DDR2: variants seen among roughly 807,000 people sequenced by gnomAD.
DDR2 encodes the protein discoidin domain-containing receptor 2.
Under a neutral mutation model 94.9 loss-of-function variants are expected in DDR2, and 27 were observed. The observed-to-expected ratio is 0.28, with a 90% CI of 0.21 to 0.39. DDR2 has a LOEUF of 0.39. Ranked by LOEUF, DDR2 falls within the 10% of genes least tolerant of loss-of-function variation. The pLI, the probability that DDR2 is intolerant of heterozygous loss-of-function variation, is 1.00. For missense variants in DDR2, 783 were observed against 1,076.0 expected (o/e 0.73, Z 3.81); for synonymous variants, 382 against 377.2 (o/e 1.01, Z -0.15).
At chr1:162,764,367 G>A (rs1663889115) in intron 9 of DDR2, among the ~76,000 whole-genome samples, 1 of 147,638 alleles carries the variant, frequency 6.8e-6, no homozygotes, top group Non-Finnish European at 1.5e-5. Context: ...AATTTAAATG[G>A]GAAGATGAAA....
chr1:162,710,031 A>G (rs1660826916), intron 2 of DDR2, among the ~76,000 whole-genome samples: 1 of 152,220 alleles, frequency 6.6e-6, no homozygotes, highest in Non-Finnish European at 1.5e-5. Context: ...TGAATGAAGT[A>G]ATGCAGTCAA....
intron 3 of DDR2, among the ~76,000 whole-genome samples, chr1:162,734,151 G>T (rs1347734157): frequency 6.6e-6 from 1 of 152,072 alleles, no homozygotes; most frequent in African/African-American, 2.4e-5. Flanking sequence ...ATTTGTAAAA[G>T]AAATACATTT....
intron 2 of DDR2, among the ~76,000 whole-genome samples, chr1:162,659,572 GT>G (rs1658187554): frequency 6.6e-6 from 1 of 152,156 alleles, no homozygotes; most frequent in Non-Finnish European, 1.5e-5. Flanking sequence ...AGCCCTGACT[GT>G]TGGCTGGGCT....
At chr1:162,778,474 C>T in intron 16 of DDR2, 106 bp from the exon 17 acceptor site, 1 of 1,400,922 alleles carries the variant, frequency 7.1e-7, no homozygotes, top group East Asian at 2.3e-5. Context: ...TTCAGAATTC[C>T]TTGCCTGTGG....
chr1:162,699,234 T>A (rs1193434320), intron 2 of DDR2, among the ~76,000 whole-genome samples: 1 of 152,210 alleles, frequency 6.6e-6, no homozygotes, highest in African/African-American at 2.4e-5. Flanking sequence ...CAGAGTTGAA[T>A]TGAAACTTAC....
intron 3 of DDR2, among the ~76,000 whole-genome samples, chr1:162,752,178 G>C (rs1485346926): frequency 6.6e-6 from 1 of 150,568 alleles, no homozygotes; most frequent in African/African-American, 2.4e-5. Flanking sequence ...AAAAACTTTT[G>C]TTGCTTATCC....
intron 2 of DDR2, among the ~76,000 whole-genome samples, chr1:162,706,574 C>G (rs927326826): frequency 2.4e-4 from 37 of 152,152 alleles, no homozygotes; most frequent in Non-Finnish European, 1.6e-4. Context: ...TAGACCCAAG[C>G]AAGGGCATTC....
At chr1:162,705,160 G>C (rs1237676413) in intron 2 of DDR2, 1 of 152,240 alleles carries the variant, frequency 6.6e-6, no homozygotes, top group East Asian at 1.9e-4. Flanking sequence ...TGTAGCCTCA[G>C]GCTTGGCACC....
chr1:162,693,275 G>GT (rs1660038761), intron 2 of DDR2, among the ~76,000 whole-genome samples: 1 of 152,130 alleles, frequency 6.6e-6, no homozygotes, highest in African/African-American at 2.4e-5. Flanking sequence ...CTTTGTCATT[G>GT]AGCTTTACGT....
At chr1:162,741,120 G>A (rs1259925644) in intron 3 of DDR2, among the ~76,000 whole-genome samples, 2 of 150,728 alleles carry the variant, frequency 1.3e-5, no homozygotes, top group African/African-American at 4.9e-5. Context: ...AAATGCTTGG[G>A]ACCAGAAGTG....
intron 3 of DDR2, among the ~76,000 whole-genome samples, chr1:162,734,050 C>A (rs960512037): frequency 6.6e-6 from 1 of 152,160 alleles, no homozygotes; most frequent in African/African-American, 2.4e-5. Flanking sequence ...ATCCATGAGA[C>A]AAATTATTTT....
chr1:162,694,361 C>T (rs1660091129), intron 2 of DDR2, among the ~76,000 whole-genome samples: 1 of 152,192 alleles, frequency 6.6e-6, no homozygotes, highest in Non-Finnish European at 1.5e-5. Flanking sequence ...TTCCATGTTT[C>T]CCACATTCCC....
intron 2 of DDR2, among the ~76,000 whole-genome samples, chr1:162,667,876 A>G (rs1658660032): frequency 1.3e-5 from 2 of 152,234 alleles, no homozygotes; most frequent in South Asian, 4.1e-4. Context: ...AGGAAATATT[A>G]GCTGTTATTA....
chr1:162,749,609 C>T (rs974271470), intron 3 of DDR2, among the ~76,000 whole-genome samples: 1 of 152,170 alleles, frequency 6.6e-6, no homozygotes, highest in African/African-American at 2.4e-5. Context: ...CCTTCTGAAA[C>T]TATTCCAGTC....
rs752327183 is a variant in DDR2, at chr1:162,772,260, T to C, written c.1728+13T>C. The C allele has an allele frequency of 5.6e-6, 9 of 1,613,472 alleles. No homozygotes were observed. In the South Asian group the frequency reaches 8.8e-5, roughly 16 times the overall value. On this transcript the variant is annotated intron_variant, in intron 13 of 17. Coordinates refer to ENST00000367921, the MANE Select transcript of DDR2 (RefSeq NM_006182.4). ...ACAGTTTGGGGAGGTGAGTTGATTC[T>C]TTGATTCCCTTATAGCTCGAAGAAG...
Position 162,780,359 on chromosome 1 carries a change from G to A in DDR2, c.*113G>A. The A allele has an allele frequency of 6.6e-7, 1 of 1,514,118 alleles. No homozygotes were observed. Among genetic ancestry groups the A allele is most frequent in the Non-Finnish European group, 9.0e-7 (1 of 1,110,382 alleles). 93.8% of individuals were successfully genotyped at this position (1,514,118 alleles called of 1,614,324 possible). On this transcript the variant is annotated 3_prime_UTR_variant, in exon 18 of 18. Transcript: ENST00000367921. ...CATTTAATGAAACTGAGAGACAGAG[G>A]CTTGTTTGCTTTGCCCTCTTTTCCT...
At chr1:162,744,602 G>C (rs769695330) in intron 3 of DDR2, among the ~76,000 whole-genome samples, 3 of 152,022 alleles carry the variant, frequency 2.0e-5, no homozygotes, top group Non-Finnish European at 4.4e-5. Context: ...GTGCCATGGT[G>C]GTTTGCTGCA....
chr1:162,631,361 C>T (rs1656553401), upstream of DDR2: 1 of 152,148 alleles, frequency 6.6e-6, no homozygotes, highest in Admixed American at 6.5e-5. Context: ...TGTGCAATCC[C>T]AGATTAACTA....
chr1:162,699,154 G>A (rs1219439684), intron 2 of DDR2, among the ~76,000 whole-genome samples: 1 of 152,228 alleles, frequency 6.6e-6, no homozygotes, highest in African/African-American at 2.4e-5. Context: ...AATGTGGGGA[G>A]AGGGCAAGGA....
Sources: gnomAD v4.1 joint callset for allele counts (sites outside exome capture counted in the v4.1 genomes callset) on GRCh38, gnomAD v4.1.1 for gene constraint, MANE v1.5 for transcripts, NCBI Gene and HGNC (gene_info 2026-07-23, HGNC 2026-07-21) for gene names.